The following KIF21A variants were observed in gnomAD, a reference collection of about 807,000 sequenced individuals.
The protein encoded by KIF21A is kinesin family member 21A.
Under a neutral mutation model 202.9 loss-of-function variants are expected in KIF21A, and 114 were observed. The observed-to-expected ratio is 0.56, with a 90% confidence interval of 0.48 to 0.66. The LOEUF (loss-of-function observed/expected upper bound fraction) is 0.66, where lower values mean the gene tolerates loss of function less well. Ranked by LOEUF, KIF21A falls within the 30% of genes least tolerant of loss-of-function variation. The probability of loss-of-function intolerance (pLI) is 0.00; values close to 1 mark genes in which losing one functional copy is unlikely to be tolerated. For synonymous variants in KIF21A, 667 were observed against 670.8 expected (o/e 0.99, Z 0.09); for missense variants, 1,677 against 1,994.9 (o/e 0.84, Z 3.04).
chr12:39,304,912 C>T lies in KIF21A; in HGVS notation c.4469G>A (p.Gly1490Glu), dbSNP rs1332172227. Residue 1490 changes from glycine to glutamate, a missense_variant, in exon 35 of 38, where the codon GGA becomes GAA. Coordinates refer to ENST00000361418, the MANE Select transcript of KIF21A (RefSeq NM_001173464.2). ...AAGGCACATAACAGGGCCTAGGTGT[C>T]CTGTTAACTTTCCTGTAGACTGAAA... ...KRFQSTGKLT[G>E]HLGPVMCLTV... 1 of 1,597,066 alleles carries T rather than the reference C, an allele frequency of 6.3e-7. No homozygotes were observed. The highest frequency in any genetic ancestry group is 8.6e-7 in the Non-Finnish European group (1 of 1,165,552).
chr12:39,318,742 G>C (rs1385924985), intron 28 of KIF21A, among the ~76,000 whole-genome samples: 1 of 152,198 alleles, frequency 6.6e-6, no homozygotes, highest in East Asian at 1.9e-4. Context: ...AGCACTTTGG[G>C]AGGCCGAGGC....
chr12:39,372,408 A>G (rs2139236369), intron 1 of KIF21A, among the ~76,000 whole-genome samples: 1 of 152,314 alleles, frequency 6.6e-6, no homozygotes, highest in Non-Finnish European at 1.5e-5. Flanking sequence ...ATGAGGCAAG[A>G]GCAATGGAAT....
chr12:39,335,328 C>T (rs1946866047), intron 17 of KIF21A, among the ~76,000 whole-genome samples: 1 of 147,966 alleles, frequency 6.8e-6, no homozygotes, highest in South Asian at 2.2e-4. Flanking sequence ...AGGAGAATGG[C>T]TTGGACCTGG....
At chr12:39,376,149 G>A (rs558075933) in intron 1 of KIF21A, among the ~76,000 whole-genome samples, 21 of 152,034 alleles carry the variant, frequency 1.4e-4, no homozygotes, top group African/African-American at 3.9e-4. Context: ...GAACCCCTAC[G>A]TCATCAATAG....
chr12:39,302,886 G>T (rs746477584), intron 36 of KIF21A, 79 bp downstream of exon 36: 14 of 1,185,854 alleles, frequency 1.2e-5, no homozygotes, highest in Non-Finnish European at 1.8e-5. Flanking sequence ...AATCTACATA[G>T]AAGCTCTTCA....
At chr12:39,441,894 C>T (rs920622992) in intron 1 of KIF21A, among the ~76,000 whole-genome samples, 3 of 151,052 alleles carry the variant, frequency 2.0e-5, no homozygotes, top group South Asian at 4.2e-4. Flanking sequence ...TTTTATAATC[C>T]TTAAAGCATA....
chr12:39,420,849 C>T (rs1268142567), intron 1 of KIF21A, among the ~76,000 whole-genome samples: 2 of 151,944 alleles, frequency 1.3e-5, no homozygotes, highest in East Asian at 1.9e-4. Flanking sequence ...CTGTAACCCA[C>T]CAAATTCAAC....
intron 37 of KIF21A, among the ~76,000 whole-genome samples, chr12:39,297,067 A>G (rs1942448541): frequency 6.6e-6 from 1 of 152,224 alleles, no homozygotes; most frequent in African/African-American, 2.4e-5. Context: ...ATTTAAAGGT[A>G]GAACTAACAG....
chr12:39,375,605 C>T (rs1389826333), intron 1 of KIF21A, among the ~76,000 whole-genome samples: 6 of 152,018 alleles, frequency 3.9e-5, no homozygotes, highest in African/African-American at 9.7e-5. Flanking sequence ...GCACTGCCCC[C>T]GATGGATTGA....
chr12:39,404,488 T>G (rs1257000021), intron 1 of KIF21A, among the ~76,000 whole-genome samples: 1 of 152,212 alleles, frequency 6.6e-6, no homozygotes, highest in African/African-American at 2.4e-5. Flanking sequence ...CTGTAAGTAG[T>G]GCTTAAGATA....
chr12:39,405,859 A>C (rs146877393), intron 1 of KIF21A, among the ~76,000 whole-genome samples: 272 of 152,362 alleles, frequency 1.8e-3, no homozygotes, highest in Non-Finnish European at 3.2e-3. Flanking sequence ...ATATGCAATA[A>C]GAAAAATAAT....
intron 6 of KIF21A, among the ~76,000 whole-genome samples, chr12:39,366,127 G>A (rs753279568): frequency 4.6e-5 from 7 of 151,852 alleles, no homozygotes; most frequent in East Asian, 1.9e-4. Context: ...ATTTTAGTAC[G>A]ACTAAATTTA....
rs1949872917 is a variant in KIF21A, at chr12:39,370,384, A to G, written c.45-123T>C. ...AAACTCATGTAATTACCTAATGCTTATTCAGTTGAAAAGTTTAAATAAATT... is the reference window on the plus strand; with the variant it reads ...AAACTCATGTAATTACCTAATGCTTGTTCAGTTGAAAAGTTTAAATAAATT... On this transcript the variant is annotated intron_variant, in intron 1 of 37. Transcript: ENST00000361418. 7.3e-6 allele frequency: 5 copies of G among 688,784 alleles called. No homozygotes were observed. The South Asian group carries it at 8.4e-5, about 12-fold the overall frequency. The allele number at this position is 688,784 out of a possible 1,614,324, so 42.7% of individuals were successfully genotyped here.
chr12:39,380,929 A>G (rs1009837341), intron 1 of KIF21A, among the ~76,000 whole-genome samples: 4 of 152,128 alleles, frequency 2.6e-5, no homozygotes, highest in African/African-American at 9.7e-5. Flanking sequence ...ACTCTCCTTC[A>G]AAGTTCTTTC....
At chr12:39,309,985 G>T (rs999247785) in intron 32 of KIF21A, among the ~76,000 whole-genome samples, 1 of 152,052 alleles carries the variant, frequency 6.6e-6, no homozygotes, top group Non-Finnish European at 1.5e-5. Flanking sequence ...GATGTCTGGT[G>T]TATGTATCAT....
Position 39,356,904 on chromosome 12 carries a change from C to T in KIF21A, c.1406-9G>A. ...CTCCTCATTTCCTTCACCTGAAAGA[C>T]AAAATATGAAATAAAAATTTTCCTT... On this transcript the variant is annotated splice_polypyrimidine_tract_variant and intron_variant, in intron 9 of 37. Coordinates refer to ENST00000361418, the MANE Select transcript of KIF21A (RefSeq NM_001173464.2). The T allele has an allele frequency of 8.4e-7, 1 of 1,192,610 alleles. No individual in the cohort carries two copies. Among genetic ancestry groups the T allele is most frequent in the South Asian group, 1.3e-5 (1 of 79,296 alleles). The allele number at this position is 1,192,610 out of a possible 1,614,324, so 73.9% of individuals were successfully genotyped here.
rs570850313 is a variant in KIF21A at position 39,344,586 on chromosome 12, CTCACTGATA to C, written c.1712+1871_1712+1879del. Among the ~76,000 whole-genome samples the C allele has an allele frequency of 3.9e-5, 6 of 152,334 alleles. No homozygotes were observed. In the South Asian group the frequency reaches 8.3e-4, roughly 21 times the overall value. ...CATATCGTTCTACTCCCCGCTCCAA[CTCACTGATA>C]TCCAGTTAAATGTTCTTTCACTTCT... On this transcript the variant is annotated intron_variant, in intron 12 of 37. Coordinates refer to ENST00000361418, the MANE Select transcript of KIF21A (RefSeq NM_001173464.2).
intron 7 of KIF21A, among the ~76,000 whole-genome samples, chr12:39,359,977 T>C (rs1949081076): frequency 1.3e-5 from 2 of 152,142 alleles, no homozygotes. Flanking sequence ...TGTATGGTCA[T>C]GCACAATATT....
intron 7 of KIF21A, among the ~76,000 whole-genome samples, chr12:39,362,200 C>T (rs1949289960): frequency 6.6e-6 from 1 of 152,156 alleles, no homozygotes; most frequent in Non-Finnish European, 1.5e-5. Flanking sequence ...GCCTACAGAA[C>T]TGTAAGACAA....
Sources: gnomAD v4.1 joint callset for allele counts (sites outside exome capture counted in the v4.1 genomes callset) on GRCh38, gnomAD v4.1.1 for gene constraint, MANE v1.5 for transcripts, NCBI Gene and HGNC (gene_info 2026-07-23, HGNC 2026-07-21) for gene names.